Variants in SHROOM3 observed in about 807,000 individuals in gnomAD.
SHROOM3 encodes the protein shroom family member 3.
SHROOM3 carries 47 observed loss-of-function variants against 138.6 expected under a neutral mutation model. The observed-to-expected ratio is 0.34, with a 90% CI of 0.27 to 0.43. The LOEUF (loss-of-function observed/expected upper bound fraction) is 0.43. Ranked by LOEUF, SHROOM3 falls within the 20% of genes least tolerant of loss-of-function variation. SHROOM3 has a pLI of 1.00. For synonymous variants in SHROOM3, 1,062 were observed against 1,063.3 expected (o/e 1.00, Z 0.02); for missense variants, 2,491 against 2,596.5 (o/e 0.96, Z 0.88).
chr4:76,723,943 G>A (rs180694283), intron 3 of SHROOM3, among the ~76,000 whole-genome samples: 2 of 152,258 alleles, frequency 1.3e-5, no homozygotes, highest in East Asian at 1.9e-4. Flanking sequence ...AAACTCTTAG[G>A]CCTTCCAAGA....
chr4:76,469,839 G>T (rs1345320494), intron 1 of SHROOM3, among the ~76,000 whole-genome samples: 1 of 152,094 alleles, frequency 6.6e-6, no homozygotes, highest in Non-Finnish European at 1.5e-5. Flanking sequence ...AATAGAGCTG[G>T]GTTTGATTTG....
intron 2 of SHROOM3, among the ~76,000 whole-genome samples, chr4:76,658,863 A>T (rs1281118927): frequency 2.0e-5 from 3 of 152,208 alleles, no homozygotes. Context: ...GATACATACC[A>T]CACACAAAAA....
chr4:76,507,042 A>T (rs1296653212), intron 1 of SHROOM3, among the ~76,000 whole-genome samples: 1 of 152,224 alleles, frequency 6.6e-6, no homozygotes, highest in Non-Finnish European at 1.5e-5. Context: ...AATGTCAAAT[A>T]AGCCTGAACT....
chr4:76,527,310 C>T (rs1447062983), intron 1 of SHROOM3, among the ~76,000 whole-genome samples: 7 of 152,194 alleles, frequency 4.6e-5, no homozygotes, highest in Admixed American at 1.3e-4. Flanking sequence ...AGGCTGGGCG[C>T]GGTGGCTCAT....
intron 1 of SHROOM3, among the ~76,000 whole-genome samples, chr4:76,478,705 T>C (rs967486930): frequency 6.6e-6 from 1 of 152,166 alleles, no homozygotes; most frequent in Admixed American, 6.5e-5. Flanking sequence ...CAGTAGGGGA[T>C]GACAGACACC....
At position 76,604,987 on chromosome 4, in the gene SHROOM3, C is replaced by T. The variant is rs78781374; in HGVS notation, c.323+49224C>T. Among the ~76,000 whole-genome samples, 7 of 152,266 alleles carry T rather than the reference C, an allele frequency of 4.6e-5. No homozygotes were observed. In the East Asian group the frequency reaches 1.3e-3, roughly 29 times the overall value. On this transcript the variant is annotated intron_variant, in intron 2 of 10. Transcript: ENST00000296043. ...ATATATTTCCCTGGATTGAATTCCT[C>T]AAGGGTCAAGGTGCATGCACCTTTG...
intron 1 of SHROOM3, among the ~76,000 whole-genome samples, chr4:76,452,997 C>T (rs1030549103): frequency 1.3e-5 from 2 of 152,246 alleles, no homozygotes; most frequent in Admixed American, 6.5e-5. Flanking sequence ...GGATTACAGG[C>T]GTGAGCCACC....
chr4:76,697,066 G>A (rs1394889730), intron 2 of SHROOM3, among the ~76,000 whole-genome samples: 1 of 151,522 alleles, frequency 6.6e-6, no homozygotes, highest in Non-Finnish European at 1.5e-5. Context: ...ACAGGCACAT[G>A]CCACCGCACC....
intron 1 of SHROOM3, among the ~76,000 whole-genome samples, chr4:76,552,039 C>T (rs55998316): frequency 0.49 from 69,901 of 142,384 alleles, 17,795 homozygotes; most frequent in African/African-American, 0.6. Context: ...TTTTTTGTAT[C>T]TTTAGTAGAG....
intron 1 of SHROOM3, among the ~76,000 whole-genome samples, chr4:76,498,984 C>T (rs186480447): frequency 1.4e-4 from 22 of 152,150 alleles, no homozygotes; most frequent in African/African-American, 4.8e-4. Flanking sequence ...AAAGAAGTGT[C>T]CCCAGCAGTA....
intron 7 of SHROOM3, 113 bp from the exon 8 acceptor site, chr4:76,756,336 G>C: frequency 8.0e-7 from 1 of 1,256,328 alleles, no homozygotes; most frequent in Admixed American, 2.1e-5. Flanking sequence ...CTACAGCCCT[G>C]ATGTGGAAAG....
Position 76,754,568 on chromosome 4 carries a change from T to C in SHROOM3, c.4085T>C (p.Ile1362Thr). 1 of 1,614,040 alleles carries C rather than the reference T, an allele frequency of 6.2e-7. No homozygotes were observed. Among genetic ancestry groups the C allele is most frequent in the Non-Finnish European group, 8.5e-7 (1 of 1,179,960 alleles). The stretch of plus-strand genomic sequence containing the variant: ...ATTGGCACCCCTCTGCCTTCAGCCA[T>C]TCCCTCTGGCTACTGCTCACAGGAC... ...TPIGTPLPSAIPSGYCSQDGQ... is the reference protein window; with the variant it reads ...TPIGTPLPSATPSGYCSQDGQ... Residue 1362 changes from isoleucine (I) to threonine (T), a missense_variant, in exon 7 of 11, where the codon ATT (isoleucine) becomes ACT (threonine). Physicochemically the swap from Ile to Thr is moderately conservative, Grantham distance 89. Coordinates refer to ENST00000296043, the MANE Select transcript of SHROOM3 (RefSeq NM_020859.4).
intron 1 of SHROOM3, among the ~76,000 whole-genome samples, chr4:76,521,428 A>T (rs1579209925): frequency 6.6e-6 from 1 of 152,364 alleles, no homozygotes; most frequent in East Asian, 1.9e-4. Context: ...GGACCTAAAT[A>T]AAACATCTTA....
At chr4:76,767,203 C>A (rs1722185074) in intron 9 of SHROOM3, among the ~76,000 whole-genome samples, 1 of 152,160 alleles carries the variant, frequency 6.6e-6, no homozygotes, top group Non-Finnish European at 1.5e-5. Flanking sequence ...CACCTCAGGG[C>A]CACCCCTGCA....
At chr4:76,615,437 G>A (rs1266387394) in intron 2 of SHROOM3, among the ~76,000 whole-genome samples, 1 of 152,190 alleles carries the variant, frequency 6.6e-6, no homozygotes, top group East Asian at 1.9e-4. Flanking sequence ...AACGTGGTGT[G>A]TTCAGAGGAC....
Position 76,770,682 on chromosome 4 carries a change from G to C in SHROOM3, c.5406G>C (p.Gly1802=). Reference sequence around the variant, plus strand: ...TGGAGACCCTCCAGGAGGCGAAGGGGAGCCTGCTCACGGACATCAAGCTCA... The same window carrying C: ...TGGAGACCCTCCAGGAGGCGAAGGGCAGCCTGCTCACGGACATCAAGCTCA... ...HKLETLQEAK[G]SLLTDIKLNN... Residue 1802 remains glycine, a synonymous_variant, in exon 10 of 11, where the codon GGG becomes GGC. Transcript: ENST00000296043. The C allele has an allele frequency of 6.2e-7, 1 of 1,614,172 alleles. No homozygotes were observed. Among genetic ancestry groups the C allele is most frequent in the South Asian group, 1.1e-5 (1 of 91,082 alleles).
intron 1 of SHROOM3, among the ~76,000 whole-genome samples, chr4:76,444,933 C>T (rs923338258): frequency 4.6e-5 from 7 of 150,722 alleles, no homozygotes; most frequent in African/African-American, 7.3e-5. Flanking sequence ...CCTGTCTCTA[C>T]AAAAAATACA....
At chr4:76,484,193 A>G (rs1471700783) in intron 1 of SHROOM3, among the ~76,000 whole-genome samples, 1 of 152,078 alleles carries the variant, frequency 6.6e-6, no homozygotes, top group Non-Finnish European at 1.5e-5. Flanking sequence ...TTTTCTGTCT[A>G]TAACCTTTAG....
intron 2 of SHROOM3, among the ~76,000 whole-genome samples, chr4:76,578,133 C>T (rs1296746256): frequency 6.6e-6 from 1 of 152,114 alleles, no homozygotes. Flanking sequence ...GCTAAGAAAA[C>T]ACACCCCTAA....
Sources: gnomAD v4.1 joint callset for allele counts (sites outside exome capture counted in the v4.1 genomes callset) on GRCh38, gnomAD v4.1.1 for gene constraint, MANE v1.5 for transcripts, NCBI Gene and HGNC (gene_info 2026-07-23, HGNC 2026-07-21) for gene names.